The following SLC4A1AP variants were observed in gnomAD, a reference collection of about 807,000 sequenced individuals.
SLC4A1AP encodes solute carrier family 4 member 1 adaptor protein.
In SLC4A1AP, 64 loss-of-function variants were observed where a neutral mutation model predicts 89.7. The ratio of observed to expected loss-of-function variants is 0.71; its 90% CI spans 0.58 to 0.88. SLC4A1AP has a LOEUF of 0.88. SLC4A1AP is among the 40% of genes least tolerant of loss of function. The pLI, the probability that SLC4A1AP is intolerant of heterozygous loss-of-function variation, is 0.00. For missense variants in SLC4A1AP, 931 were observed against 965.0 expected (o/e 0.96, Z 0.47); for synonymous variants, 366 against 353.3 (o/e 1.04, Z -0.40).
In SLC4A1AP at chr2:27,669,403, C is replaced by T. The variant is rs758959128; in HGVS notation, c.1345+16C>T. The T allele has an allele frequency of 3.4e-6, 5 of 1,456,678 alleles. No homozygotes were observed. The East Asian group carries it at 1.3e-4, about 37-fold the overall frequency. The allele number at this position is 1,456,678 out of a possible 1,614,324, so 90.2% of individuals were successfully genotyped here. The stretch of plus-strand genomic sequence containing the variant: ...CAGGAAGCAGGTCAGTATATAGGAG[C>T]CCTTTTTTTCTAGATTTAAAAAAAG... On this transcript the variant is annotated intron_variant, in intron 5 of 13. Coordinates refer to ENST00000613058, the Ensembl canonical transcript of SLC4A1AP.
At chr2:27,684,299 G>A (rs1042775124) in intron 9 of SLC4A1AP, among the ~76,000 whole-genome samples, 5 of 151,740 alleles carry the variant, frequency 3.3e-5, no homozygotes, top group African/African-American at 1.2e-4. Flanking sequence ...GGTGGCCTGC[G>A]CACCTATAAC....
At chr2:27,682,380 T>C (rs776453459) in intron 9 of SLC4A1AP, 21 bp downstream of exon 9, 1 of 1,485,140 alleles carries the variant, frequency 6.7e-7, no homozygotes, top group Non-Finnish European at 9.4e-7. Context: ...AGTCAGGGTG[T>C]TAAACTTTTA....
intron 8 of SLC4A1AP, among the ~76,000 whole-genome samples, chr2:27,679,124 A>G (rs1056225529): frequency 1.3e-5 from 2 of 152,206 alleles, no homozygotes; most frequent in Non-Finnish European, 2.9e-5. Flanking sequence ...TGAAGGACAA[A>G]TTAGTACATT....
chr2:27,666,918 G>T (rs1675338761), intron 2 of SLC4A1AP, among the ~76,000 whole-genome samples: 1 of 151,344 alleles, frequency 6.6e-6, no homozygotes, highest in South Asian at 2.1e-4. Context: ...TTGGGTTGGA[G>T]TGCAGGTAGC....
At chr2:27,669,257 G>A (rs1470356107) in exon 5 of SLC4A1AP, 6 of 1,610,712 alleles carry the variant, frequency 3.7e-6, no homozygotes, top group South Asian at 1.1e-5. Flanking sequence ...GATTACCTGT[G>A]GACGATTCAA....
intron 8 of SLC4A1AP, among the ~76,000 whole-genome samples, chr2:27,680,786 A>AAAC (rs34406797): frequency 0.024 from 3,534 of 147,432 alleles, 100 homozygotes; most frequent in African/African-American, 0.073. Flanking sequence ...CTGCTTTGGA[A>AAAC]AACAACAACA....
intron 1 of SLC4A1AP, 81 bp from the exon 2 acceptor site, chr2:27,665,019 T>C: frequency 1.8e-6 from 2 of 1,135,804 alleles, no homozygotes; most frequent in Non-Finnish European, 2.5e-6. Flanking sequence ...TTACAGCCAC[T>C]GCACTCCAGT....
chr2:27,666,026 G>A (rs1346355102), intron 2 of SLC4A1AP, among the ~76,000 whole-genome samples: 2 of 152,196 alleles, frequency 1.3e-5, no homozygotes, highest in East Asian at 3.8e-4. Flanking sequence ...AGCACTTGCA[G>A]TGTGGCTAGT....
At chr2:27,686,988 G>A (rs1335054079) in intron 10 of SLC4A1AP, among the ~76,000 whole-genome samples, 1 of 152,114 alleles carries the variant, frequency 6.6e-6, no homozygotes, top group African/African-American at 2.4e-5. Context: ...AGAAAATAGA[G>A]TCATAGGGTC....
exon 5 of SLC4A1AP, chr2:27,669,336 T>C (rs1675383493): frequency 1.9e-6 from 3 of 1,613,408 alleles, no homozygotes; most frequent in Non-Finnish European, 2.5e-6. Context: ...CCAGTGCTCA[T>C]TGGAAGCTTG....
At chr2:27,668,816 ATTGTT>A in intron 3 of SLC4A1AP, 22 bp from the exon 4 acceptor site, 1 of 1,606,954 alleles carries the variant, frequency 6.2e-7, no homozygotes, top group Non-Finnish European at 8.5e-7. Context: ...TTCTATTAAA[ATTGTT>A]TTGTCTGTCT....
chr2:27,677,805 A>C (rs1409933752), exon 8 of SLC4A1AP: 10 of 1,613,918 alleles, frequency 6.2e-6, no homozygotes, highest in Non-Finnish European at 8.5e-7. Flanking sequence ...CAGGCAGTAC[A>C]TTAGATGGTG....
intron 9 of SLC4A1AP, 23 bp downstream of exon 9, chr2:27,682,382 A>G (rs374535120): frequency 9.5e-6 from 14 of 1,466,256 alleles, no homozygotes; most frequent in African/African-American, 1.4e-5. Flanking sequence ...TCAGGGTGTT[A>G]AACTTTTAGC....
chr2:27,665,880 T>G (rs1485565718), intron 2 of SLC4A1AP, among the ~76,000 whole-genome samples: 2 of 152,230 alleles, frequency 1.3e-5, no homozygotes, highest in African/African-American at 4.8e-5. Context: ...ATTATGAAAT[T>G]ACTTGTGCTA....
chr2:27,690,298 TC>T (rs1675770056), intron 12 of SLC4A1AP, among the ~76,000 whole-genome samples: 1 of 151,920 alleles, frequency 6.6e-6, no homozygotes, highest in East Asian at 1.9e-4. Context: ...TTATTCCTCA[TC>T]CCCTTCCCAG....
chr2:27,687,864 TG>T, intron 10 of SLC4A1AP, 69 bp from the exon 11 acceptor site: 1 of 1,170,922 alleles, frequency 8.5e-7, no homozygotes, highest in Non-Finnish European at 1.3e-6. Context: ...CTCTTGTTTT[TG>T]TTTTTGTTTG....
intron 10 of SLC4A1AP, among the ~76,000 whole-genome samples, chr2:27,687,125 C>T (rs919507104): frequency 6.6e-6 from 1 of 152,040 alleles, no homozygotes; most frequent in African/African-American, 2.4e-5. Context: ...ATTTTATAAC[C>T]TAGTTTTTTT....
rs745804821 is a variant in SLC4A1AP, at chr2:27,675,694, C to A, written c.1506+2C>A. The A allele has an allele frequency of 6.4e-7, 1 of 1,559,528 alleles. No individual in the cohort carries two copies. Among genetic ancestry groups the A allele is most frequent in the Non-Finnish European group, 8.7e-7 (1 of 1,152,758 alleles). On this transcript the variant is annotated splice_donor_variant, in intron 6 of 13. Coordinates refer to ENST00000613058, the Ensembl canonical transcript of SLC4A1AP. LOFTEE classifies it high-confidence loss of function. ...AAGCCAGAGACCTTTGAATCATTGGCAAGTTTTATTTATGGAAGTAGCTGT... is the reference window on the plus strand; with the variant it reads ...AAGCCAGAGACCTTTGAATCATTGGAAAGTTTTATTTATGGAAGTAGCTGT...
chr2:27,685,081 A>G (rs757806720), exon 10 of SLC4A1AP: 1 of 1,613,680 alleles, frequency 6.2e-7, no homozygotes, highest in South Asian at 1.1e-5. Flanking sequence ...CTCTAATGAG[A>G]ATGAAAGATG....
Sources: gnomAD v4.1 joint callset for allele counts (sites outside exome capture counted in the v4.1 genomes callset) on GRCh38, gnomAD v4.1.1 for gene constraint, MANE v1.5 for transcripts, NCBI Gene and HGNC (gene_info 2026-07-23, HGNC 2026-07-21) for gene names.